The following SERPINB7 variants were observed in gnomAD, a reference collection of about 807,000 sequenced individuals.
The protein encoded by SERPINB7 is serpin family B member 7.
Under a neutral mutation model 37.4 loss-of-function variants are expected in SERPINB7, and 31 were observed. That is an observed-to-expected ratio of 0.83 (90% confidence interval 0.62 to 1.12). SERPINB7 has a LOEUF of 1.12. Among genes scored for constraint, SERPINB7 ranks in the 50% most tolerant of loss-of-function variants. The pLI is 0.00. For missense variants in SERPINB7, 521 were observed against 455.3 expected, an observed-to-expected ratio of 1.14 and a Z score of -1.31; for synonymous variants, 163 against 166.1, an observed-to-expected ratio of 0.98 and a Z score of 0.14.
At chr18:63,789,375 A>G (rs1216533609) in intron 2 of SERPINB7, among the ~76,000 whole-genome samples, 3 of 152,144 alleles carry the variant, frequency 2.0e-5, no homozygotes, top group Non-Finnish European at 4.4e-5. Context: ...AACTTCATCT[A>G]TTTTCTGACA....
intron 1 of SERPINB7, among the ~76,000 whole-genome samples, chr18:63,755,031 C>G (rs1315940157): frequency 2.0e-5 from 3 of 151,976 alleles, no homozygotes; most frequent in African/African-American, 7.2e-5. Flanking sequence ...TCCCGAGTAG[C>G]TGGGACTACA....
chr18:63,782,671 C>T (rs956173115), intron 2 of SERPINB7, 131 bp downstream of exon 2: 6 of 818,198 alleles, frequency 7.3e-6, no homozygotes, highest in African/African-American at 5.1e-5. Flanking sequence ...CACATCTCCA[C>T]GAGGCCCTCT....
At chr18:63,776,778 G>C (rs2049252555) in intron 1 of SERPINB7, among the ~76,000 whole-genome samples, 1 of 151,764 alleles carries the variant, frequency 6.6e-6, no homozygotes, top group Admixed American at 6.6e-5. Context: ...AGTGTACTAT[G>C]ATATACTTTT....
At chr18:63,800,332 G>A (rs1334872395) in intron 6 of SERPINB7, among the ~76,000 whole-genome samples, 2 of 151,926 alleles carry the variant, frequency 1.3e-5, no homozygotes, top group East Asian at 1.9e-4. Flanking sequence ...AAAGTGCTGG[G>A]ATTACAGGCA....
chr18:63,800,059 A>G (rs1430808752), intron 6 of SERPINB7, among the ~76,000 whole-genome samples: 2 of 143,710 alleles, frequency 1.4e-5, no homozygotes, highest in Admixed American at 7.0e-5. Context: ...TAAATAGCGT[A>G]TTTTTTTTTT....
intron 1 of SERPINB7, among the ~76,000 whole-genome samples, chr18:63,754,903 T>TC (rs1206039462): frequency 7.3e-6 from 1 of 136,786 alleles, no homozygotes; most frequent in Non-Finnish European, 1.6e-5. Context: ...TTTTTTTTTT[T>TC]TTTTTTTGAG....
intron 6 of SERPINB7, among the ~76,000 whole-genome samples, chr18:63,800,067 T>G (rs2049531238): frequency 6.6e-6 from 1 of 152,026 alleles, no homozygotes; most frequent in Non-Finnish European, 1.5e-5. Context: ...GTATTTTTTT[T>G]TTTTTTGAGA....
intron 2 of SERPINB7, among the ~76,000 whole-genome samples, chr18:63,784,357 C>T (rs2144616558): frequency 6.6e-6 from 1 of 152,216 alleles, no homozygotes; most frequent in African/African-American, 2.4e-5. Flanking sequence ...GCATACCCCT[C>T]CCCCATCATG....
In SERPINB7 at chr18:63,804,706, T is replaced by A. The variant is rs548306489; in HGVS notation, c.*71T>A. 1 of 1,436,810 alleles carries A rather than the reference T, an allele frequency of 7.0e-7. No individual in the cohort carries two copies. 89.0% of individuals were successfully genotyped at this position (1,436,810 alleles called of 1,614,324 possible). On this transcript the variant is annotated 3_prime_UTR_variant, in exon 8 of 8. Transcript: ENST00000398019. ...ACCACCACAAGTCAATAGATTTGAGTTTAATTGGAAAAATGTGGTGTTTCC... is the reference window on the plus strand; with the variant it reads ...ACCACCACAAGTCAATAGATTTGAGATTAATTGGAAAAATGTGGTGTTTCC...
At position 63,761,297 on chromosome 18, in the gene SERPINB7, T is replaced by G. The variant is rs183033747; in HGVS notation, c.-19+8177T>G. Among the ~76,000 whole-genome samples the G allele has an allele frequency of 4.4e-4, 67 of 152,350 alleles. 1 individual carries two copies. In the East Asian group the frequency reaches 0.012, roughly 27 times the overall value. ...CTGTAATCCCTTTGTTTTGTCCAAT[T>G]TCTCCCATTTGGAATGGCTGTATTT... On this transcript the variant is annotated intron_variant, in intron 1 of 7. Transcript: ENST00000336429.
chr18:63,779,602 G>A (rs1223220477), intron 1 of SERPINB7, among the ~76,000 whole-genome samples: 2 of 151,822 alleles, frequency 1.3e-5, no homozygotes, highest in Admixed American at 6.6e-5. Flanking sequence ...TAATTATCTA[G>A]GAATGTCTTG....
intron 1 of SERPINB7, among the ~76,000 whole-genome samples, chr18:63,777,269 A>C (rs533688768): frequency 6.6e-6 from 1 of 152,156 alleles, no homozygotes; most frequent in East Asian, 1.9e-4. Context: ...ATGGATGAGA[A>C]AAGGCCCACT....
chr18:63,756,730 G>T (rs2049124033), intron 1 of SERPINB7, among the ~76,000 whole-genome samples: 1 of 150,626 alleles, frequency 6.6e-6, no homozygotes, highest in African/African-American at 2.4e-5. Flanking sequence ...GGAAGGCCTG[G>T]CACTTTATTT....
At chr18:63,779,727 C>T (rs2144607112) in intron 1 of SERPINB7, among the ~76,000 whole-genome samples, 1 of 151,912 alleles carries the variant, frequency 6.6e-6, no homozygotes, top group Non-Finnish European at 1.5e-5. Context: ...TCTTGTGTAG[C>T]TTCTCTTTTG....
intron 4 of SERPINB7, among the ~76,000 whole-genome samples, chr18:63,794,688 T>TCAAAAAA (rs748233356): frequency 6.7e-6 from 1 of 150,262 alleles, no homozygotes; most frequent in Non-Finnish European, 1.5e-5. Context: ...AGACTCTGTC[T>TCAAAAAA]CAAAAAACAA....
Position 63,804,696 on chromosome 18 carries a change from T to A in SERPINB7, c.*61T>A. On this transcript the variant is annotated 3_prime_UTR_variant, in exon 8 of 8. Coordinates refer to ENST00000398019, the MANE Select transcript of SERPINB7 (RefSeq NM_003784.4). Reference sequence around the variant, plus strand: ...ACATCAAAGAACCACCACAAGTCAATAGATTTGAGTTTAATTGGAAAAATG... The same window carrying A: ...ACATCAAAGAACCACCACAAGTCAAAAGATTTGAGTTTAATTGGAAAAATG... 6.8e-7 allele frequency: 1 copy of A among 1,462,980 alleles called. No individual in the cohort carries two copies. Among genetic ancestry groups the A allele is most frequent in the Non-Finnish European group, 9.2e-7 (1 of 1,088,226 alleles). 90.6% of individuals were successfully genotyped at this position (1,462,980 alleles called of 1,614,324 possible).
At chr18:63,762,041 C>G (rs2049157212) in intron 1 of SERPINB7, among the ~76,000 whole-genome samples, 1 of 152,182 alleles carries the variant, frequency 6.6e-6, no homozygotes, top group African/African-American at 2.4e-5. Flanking sequence ...GTTGTCCAAA[C>G]AGCATCACTT....
upstream of SERPINB7, among the ~76,000 whole-genome samples, chr18:63,772,462 A>G (rs2049216907): frequency 6.6e-6 from 1 of 152,120 alleles, no homozygotes; most frequent in Non-Finnish European, 1.5e-5. Context: ...TAACTTTGCC[A>G]CTGAAACTGG....
At chr18:63,782,635 A>G in intron 2 of SERPINB7, 95 bp downstream of exon 2, 1 of 1,237,582 alleles carries the variant, frequency 8.1e-7, no homozygotes, top group Non-Finnish European at 1.1e-6. Context: ...GGAGGTCATC[A>G]TGAGGCACAA....
Sources: allele counts gnomAD v4.1 joint callset (sites outside exome capture counted in the v4.1 genomes callset), GRCh38; gene constraint gnomAD v4.1.1; transcripts MANE v1.5; gene names NCBI Gene and HGNC (gene_info 2026-07-23, HGNC 2026-07-21).